The following KHDRBS2 variants were observed in gnomAD, a reference collection of about 807,000 sequenced individuals.
The protein encoded by KHDRBS2 is KH RNA binding domain containing, signal transduction associated 2.
Under a neutral mutation model 44.3 loss-of-function variants are expected in KHDRBS2, and 26 were observed. The observed-to-expected ratio is 0.59, with a 90% CI of 0.43 to 0.81. The LOEUF (loss-of-function observed/expected upper bound fraction) is 0.81. KHDRBS2 is among the 40% of genes least tolerant of loss of function. KHDRBS2 has a pLI of 0.00. For synonymous variants in KHDRBS2, 194 were observed against 151.1 expected (o/e 1.28, Z -2.08); for missense variants, 476 against 433.1 (o/e 1.10, Z -0.88).
chr6:61,899,598 C>A (rs12210102), intron 5 of KHDRBS2, among the ~76,000 whole-genome samples: 2 of 151,770 alleles, frequency 1.3e-5, no homozygotes, highest in Non-Finnish European at 3.0e-5. Flanking sequence ...TAAGGTTTCT[C>A]TGAAATTAAA....
At chr6:62,034,016 C>G (rs1478188473) in intron 3 of KHDRBS2, among the ~76,000 whole-genome samples, 1 of 151,566 alleles carries the variant, frequency 6.6e-6, no homozygotes, top group Non-Finnish European at 1.5e-5. Context: ...TTCAAAGGAT[C>G]ATTTGTGGCT....
At chr6:62,199,463 A>G (rs1406736965) in intron 1 of KHDRBS2, among the ~76,000 whole-genome samples, 1 of 152,224 alleles carries the variant, frequency 6.6e-6, no homozygotes, top group Non-Finnish European at 1.5e-5. Context: ...GAGCCAAATT[A>G]TGAGTGAACT....
At chr6:62,251,038 C>A (rs1836437180) in intron 1 of KHDRBS2, among the ~76,000 whole-genome samples, 1 of 151,848 alleles carries the variant, frequency 6.6e-6, no homozygotes, top group Non-Finnish European at 1.5e-5. Context: ...AAAGTTAAAT[C>A]ATTGAGGTTG....
chr6:62,228,625 T>C (rs1832339476), intron 1 of KHDRBS2, among the ~76,000 whole-genome samples: 1 of 152,152 alleles, frequency 6.6e-6, no homozygotes, highest in South Asian at 2.1e-4. Flanking sequence ...TGTGATATTA[T>C]GCTGTTGATT....
intron 7 of KHDRBS2, among the ~76,000 whole-genome samples, chr6:61,729,259 T>A (rs562476133): frequency 6.6e-6 from 1 of 152,024 alleles, no homozygotes; most frequent in African/African-American, 2.4e-5. Context: ...TTCCCACTTA[T>A]AAGTGGGAGC....
chr6:61,567,589 G>A, the KHDRBS2 span, among the ~76,000 whole-genome samples: 62 of 152,220 alleles, frequency 4.1e-4, no homozygotes, highest in South Asian at 3.1e-3. Context: ...TGCAATGAGA[G>A]GTGTTCGTGC....
chr6:61,608,272 A>G, the KHDRBS2 span, among the ~76,000 whole-genome samples: 1 of 151,508 alleles, frequency 6.6e-6, no homozygotes. Context: ...ACTCACATAC[A>G]CACATACTCA....
intron 2 of KHDRBS2, among the ~76,000 whole-genome samples, chr6:62,070,567 C>A (rs931450618): frequency 2.0e-4 from 30 of 151,958 alleles, no homozygotes; most frequent in Admixed American, 5.9e-4. Flanking sequence ...TCAATTCCCA[C>A]CTATGAGTGA....
chr6:62,207,995 C>A (rs1433019621), intron 1 of KHDRBS2, among the ~76,000 whole-genome samples: 1 of 152,042 alleles, frequency 6.6e-6, no homozygotes, highest in Non-Finnish European at 1.5e-5. Flanking sequence ...ATGTGTTCAT[C>A]CTACACATCT....
chr6:62,124,132 T>C (rs1456129993), intron 2 of KHDRBS2, among the ~76,000 whole-genome samples: 1 of 152,200 alleles, frequency 6.6e-6, no homozygotes, highest in Non-Finnish European at 1.5e-5. Context: ...GGAATCTAAA[T>C]ATCAGTACCC....
At chr6:61,587,862 A>T in the KHDRBS2 span, among the ~76,000 whole-genome samples, 3 of 151,584 alleles carry the variant, frequency 2.0e-5, no homozygotes. Context: ...CCTTCCAGAG[A>T]TTGATGTTAC....
chr6:61,844,751 TC>T (rs1161000587), intron 6 of KHDRBS2, among the ~76,000 whole-genome samples: 34 of 99,896 alleles, frequency 3.4e-4, no homozygotes, highest in African/African-American at 1.3e-3. Flanking sequence ...CTGTTCACTG[TC>T]CTTCTTCTGA....
At chr6:61,751,723 A>C (rs1206569325) in intron 6 of KHDRBS2, among the ~76,000 whole-genome samples, 6 of 152,216 alleles carry the variant, frequency 3.9e-5, no homozygotes, top group Non-Finnish European at 8.8e-5. Context: ...TAGAGAAAGT[A>C]TTAATTTCCT....
intron 2 of KHDRBS2, among the ~76,000 whole-genome samples, chr6:62,161,573 C>CGGGGG (rs3035515): frequency 3.0e-5 from 1 of 33,344 alleles, no homozygotes; most frequent in African/African-American, 1.3e-4. Flanking sequence ...TTGGTATTTG[C>CGGGGG]GGGGGGGGGG....
At chr6:61,793,745 C>A (rs994829724) in intron 6 of KHDRBS2, among the ~76,000 whole-genome samples, 1 of 151,912 alleles carries the variant, frequency 6.6e-6, no homozygotes, top group Non-Finnish European at 1.5e-5. Flanking sequence ...GCACCAGATG[C>A]CACAAACCAA....
At chr6:61,930,541 A>G (rs1809833081) in intron 4 of KHDRBS2, among the ~76,000 whole-genome samples, 1 of 30,734 alleles carries the variant, frequency 3.3e-5, no homozygotes, top group Non-Finnish European at 9.1e-5. Flanking sequence ...AAAAAAAAAA[A>G]AAAAGAAAAA....
the KHDRBS2 span, among the ~76,000 whole-genome samples, chr6:61,612,526 T>C: frequency 6.6e-6 from 1 of 152,226 alleles, no homozygotes; most frequent in Non-Finnish European, 1.5e-5. Flanking sequence ...TCAGTGTTGT[T>C]GCAGAAGGGC....
chr6:62,004,660 T>C (rs1778895146), intron 3 of KHDRBS2, among the ~76,000 whole-genome samples: 1 of 152,180 alleles, frequency 6.6e-6, no homozygotes, highest in Non-Finnish European at 1.5e-5. Context: ...ACTCATTTTA[T>C]GAGGCCAGCA....
At chr6:62,092,578 T>C (rs961181860) in intron 2 of KHDRBS2, among the ~76,000 whole-genome samples, 7 of 152,202 alleles carry the variant, frequency 4.6e-5, no homozygotes, top group Non-Finnish European at 1.0e-4. Context: ...CATAATTGTC[T>C]ACCTGACTTA....
Sources: allele counts gnomAD v4.1 joint callset (sites outside exome capture counted in the v4.1 genomes callset), GRCh38; gene constraint gnomAD v4.1.1; transcripts MANE v1.5; gene names NCBI Gene and HGNC (gene_info 2026-07-23, HGNC 2026-07-21).